Variants in DTD1 observed in about 807,000 individuals in gnomAD.
The protein encoded by DTD1 is D-aminoacyl-tRNA deacylase 1, also known as D-tyrosyl-tRNA deacylase 1 homolog.
Under a neutral mutation model 25.6 loss-of-function variants are expected in DTD1, and 13 were observed. The observed-to-expected ratio is 0.51, with a 90% confidence interval of 0.33 to 0.81. The LOEUF is 0.81. DTD1 is among the 30% of genes least tolerant of loss of function. DTD1 has a pLI of 0.02. For missense variants in DTD1, 193 were observed against 266.4 expected (o/e 0.72, Z 1.92); for synonymous variants, 110 against 103.6 (o/e 1.06, Z -0.37).
At position 18,593,822 on chromosome 20, in the gene DTD1, G is replaced by A. The variant is rs1487340421; in HGVS notation, c.134+1G>A. On this transcript the variant is annotated splice_donor_variant, in intron 2 of 5. Transcript: ENST00000377452. LOFTEE classifies it high-confidence loss of function. ...ATACGCAGAAGGAACTGGAACACAT[G>A]TAAGATGCATTTCTGTCATTGCTGT... 1.2e-6 allele frequency: 2 copies of A among 1,612,354 alleles called. No individual in the cohort carries two copies. The highest frequency in any genetic ancestry group is 1.7e-6 in the Non-Finnish European group (2 of 1,178,714).
At chr20:18,698,558 T>G (rs1475662413) in intron 4 of DTD1, 1 of 152,242 alleles carries the variant, frequency 6.6e-6, no homozygotes, top group Non-Finnish European at 1.5e-5. Flanking sequence ...GAACTGTACT[T>G]TGTAGAATGA....
Position 18,749,068 on chromosome 20 carries a change from A to G in DTD1, c.*19+4797A>G, listed in dbSNP as rs2061311800. ...AAGTTCCTGGCTGGCCTCAGCCTTC[A>G]GGTTAGGAGACTCAGCGGGAAGGAG... On this transcript the variant is annotated intron_variant, in intron 5 of 5. Transcript: ENST00000377452. This position sits in a 1 kb window ranked among gnomAD's most constrained non-coding sequence, Gnocchi z 4.2. Among the ~76,000 whole-genome samples the G allele has an allele frequency of 6.6e-6, 1 of 152,172 alleles. No individual in the cohort carries two copies. The highest frequency in any genetic ancestry group is 6.5e-5 in the Admixed American group (1 of 15,280).
chr20:18,631,118 G>C, intron 4 of DTD1: 1 of 985,444 alleles, frequency 1.0e-6, no homozygotes, highest in Non-Finnish European at 1.2e-6. Flanking sequence ...AGGGAAAGAA[G>C]CCAGCAGATG....
At chr20:18,757,483 T>A (rs1020357857) in intron 5 of DTD1, among the ~76,000 whole-genome samples, 46 of 152,294 alleles carry the variant, frequency 3.0e-4, no homozygotes, top group African/African-American at 9.1e-4. Context: ...TAGCATGAAG[T>A]GCTGTTGAAT....
intron 4 of DTD1, among the ~76,000 whole-genome samples, chr20:18,666,534 C>T (rs1013620793): frequency 2.6e-5 from 4 of 152,060 alleles, no homozygotes; most frequent in Non-Finnish European, 5.9e-5. Flanking sequence ...GTGTGTGTCC[C>T]TTGCAGTATC....
chr20:18,597,200 T>C (rs1186082367), intron 3 of DTD1, among the ~76,000 whole-genome samples: 1 of 121,778 alleles, frequency 8.2e-6, no homozygotes, highest in Admixed American at 8.3e-5. Flanking sequence ...TGTGTGTGTG[T>C]ATAGAGAGAA....
intron 3 of DTD1, among the ~76,000 whole-genome samples, chr20:18,606,360 G>A (rs2060657857): frequency 1.5e-5 from 2 of 134,740 alleles, no homozygotes; most frequent in South Asian, 4.8e-4. Flanking sequence ...CGTTGTGGAA[G>A]TCAGTGTGGC....
intron 4 of DTD1, among the ~76,000 whole-genome samples, chr20:18,657,232 G>T (rs1202886341): frequency 1.3e-5 from 2 of 152,180 alleles, no homozygotes; most frequent in Non-Finnish European, 2.9e-5. Flanking sequence ...GATGCGCTGA[G>T]AGTGCCTACT....
intron 5 of DTD1, among the ~76,000 whole-genome samples, chr20:18,754,460 G>A (rs933507754): frequency 3.3e-5 from 5 of 152,190 alleles, no homozygotes; most frequent in African/African-American, 9.7e-5. Context: ...CTCATGTGAC[G>A]CACATGCGTT....
intron 4 of DTD1, among the ~76,000 whole-genome samples, chr20:18,701,674 G>C (rs1042043364): frequency 6.6e-6 from 1 of 152,198 alleles, no homozygotes; most frequent in Non-Finnish European, 1.5e-5. Flanking sequence ...TGGGACATAG[G>C]CCTGACACAC....
chr20:18,702,916 C>T (rs2061111892), intron 4 of DTD1, among the ~76,000 whole-genome samples: 1 of 152,218 alleles, frequency 6.6e-6, no homozygotes, highest in African/African-American at 2.4e-5. Context: ...GGGCCGCTGC[C>T]TGGACCTGCC....
intron 3 of DTD1, among the ~76,000 whole-genome samples, chr20:18,601,851 C>CTAA (rs1449967135): frequency 4.6e-5 from 7 of 151,850 alleles, no homozygotes; most frequent in African/African-American, 1.7e-4. Context: ...ACTGGAAACT[C>CTAA]TAAAACGCAG....
chr20:18,666,565 A>G (rs937353449), intron 4 of DTD1, among the ~76,000 whole-genome samples: 16 of 152,056 alleles, frequency 1.1e-4, no homozygotes, highest in African/African-American at 3.6e-4. Flanking sequence ...AGTTAATTAG[A>G]CGTCCTGTAT....
chr20:18,755,164 A>AT (rs148178798), intron 5 of DTD1, among the ~76,000 whole-genome samples: 17 of 152,144 alleles, frequency 1.1e-4, no homozygotes, highest in African/African-American at 2.9e-4. Context: ...TTTGAAAGCC[A>AT]TTTTTTTTAT....
intron 3 of DTD1, among the ~76,000 whole-genome samples, chr20:18,620,543 T>A (rs1344189037): frequency 6.6e-6 from 1 of 152,236 alleles, no homozygotes; most frequent in African/African-American, 2.4e-5. Context: ...ATTTTATTCA[T>A]TTTTATTTTT....
chr20:18,734,654 T>G (rs2061249410), intron 4 of DTD1, among the ~76,000 whole-genome samples: 1 of 152,246 alleles, frequency 6.6e-6, no homozygotes, highest in South Asian at 2.1e-4. Context: ...TACTCTTACA[T>G]TGTCTTGAAA....
intron 3 of DTD1, 66 bp from the exon 4 acceptor site, chr20:18,628,061 A>G (rs1452593497): frequency 1.5e-6 from 2 of 1,303,286 alleles, no homozygotes; most frequent in South Asian, 2.4e-5. Flanking sequence ...GAACTAATAC[A>G]GTGTGCTTTT....
intron 4 of DTD1, among the ~76,000 whole-genome samples, chr20:18,635,173 C>T (rs1022475765): frequency 7.2e-5 from 11 of 152,176 alleles, no homozygotes; most frequent in African/African-American, 2.4e-4. Flanking sequence ...AGATGGTAGC[C>T]AGATCTTGTC....
intron 5 of DTD1, among the ~76,000 whole-genome samples, chr20:18,748,964 G>T (rs2061311572): frequency 6.6e-6 from 1 of 152,174 alleles, no homozygotes; most frequent in African/African-American, 2.4e-5. Flanking sequence ...TTCCCTATAA[G>T]TCAAGTTCAC....
Sources: allele counts gnomAD v4.1 joint callset (sites outside exome capture counted in the v4.1 genomes callset), GRCh38; gene constraint gnomAD v4.1.1; non-coding constraint Gnocchi (gnomAD v3.1); transcripts MANE v1.5; gene names NCBI Gene and HGNC (gene_info 2026-07-23, HGNC 2026-07-21).